AUTS2: variants seen among roughly 807,000 people sequenced by gnomAD.
AUTS2 encodes the protein autism susceptibility gene 2 protein.
A neutral mutation model predicts 112.4 loss-of-function variants in AUTS2; 17 were observed. The observed-to-expected ratio is 0.15, with a 90% CI of 0.10 to 0.23. The LOEUF is 0.23. Ranked by LOEUF, AUTS2 falls within the 10% of genes least tolerant of loss-of-function variation. The probability of loss-of-function intolerance (pLI) is 1.00; values close to 1 mark genes in which losing one functional copy is unlikely to be tolerated. For missense variants in AUTS2, 1,510 were observed against 1,701.6 expected, an observed-to-expected ratio of 0.89 and a Z score of 1.98; for synonymous variants, 751 against 702.7, an observed-to-expected ratio of 1.07 and a Z score of -1.09.
intron 2 of AUTS2, among the ~76,000 whole-genome samples, chr7:70,101,318 C>T (rs1804482150): frequency 6.6e-6 from 1 of 151,674 alleles, no homozygotes; most frequent in East Asian, 1.9e-4. Flanking sequence ...CCAAATTCTT[C>T]AGCTCTTTAC....
Position 70,766,212 on chromosome 7 carries a change from G to A in AUTS2, c.1567G>A (p.Glu523Lys). ...SLGPPPYLRT[E>K]FHQHQHQHQH... ...GGGCCCTCCGCCCTACCTGCGGACCGAGTTCCATCAGCACCAGCACCAGCA... is the reference window on the plus strand; with the variant it reads ...GGGCCCTCCGCCCTACCTGCGGACCAAGTTCCATCAGCACCAGCACCAGCA... The change falls in exon 9 of 19, where the codon GAG (glutamate) becomes AAG (lysine). Residue 523 changes from glutamate (E) to lysine (K), a missense_variant. Physicochemically the swap from Glu to Lys is moderately conservative, Grantham distance 56. Around this residue, in one of 3 missense-constraint regions of AUTS2, gnomAD observed 187 missense variants for 309.7 expected, o/e 0.60. Transcript: ENST00000342771. This position sits in a 1 kb window ranked among gnomAD's most constrained non-coding sequence, Gnocchi z 4.8. The A allele has an allele frequency of 6.2e-7, 1 of 1,614,070 alleles. No individual in the cohort carries two copies. Among genetic ancestry groups the A allele is most frequent in the Non-Finnish European group, 8.5e-7 (1 of 1,180,026 alleles).
chr7:70,682,864 C>T (rs1216202635), intron 5 of AUTS2, among the ~76,000 whole-genome samples: 1 of 152,258 alleles, frequency 6.6e-6, no homozygotes, highest in Non-Finnish European at 1.5e-5. Flanking sequence ...TGGCTGGGAA[C>T]TCAGCTAGCC....
intron 2 of AUTS2, among the ~76,000 whole-genome samples, chr7:70,106,271 A>G (rs896426945): frequency 6.6e-6 from 1 of 152,198 alleles, no homozygotes; most frequent in Non-Finnish European, 1.5e-5. Context: ...ACACAGGACA[A>G]TGTAGGGTGT....
intron 4 of AUTS2, among the ~76,000 whole-genome samples, chr7:70,275,763 C>T (rs1451780572): frequency 6.6e-6 from 1 of 152,046 alleles, no homozygotes; most frequent in South Asian, 2.1e-4. Flanking sequence ...GGGCTTTTTT[C>T]TTCTCTGGGC....
intron 2 of AUTS2, among the ~76,000 whole-genome samples, chr7:69,951,193 A>G (rs1475414154): frequency 1.3e-5 from 2 of 152,158 alleles, no homozygotes. Flanking sequence ...TAATTTGTCA[A>G]CAGAACTTCT....
At chr7:70,354,921 T>A (rs753618879) in intron 4 of AUTS2, among the ~76,000 whole-genome samples, 2 of 152,122 alleles carry the variant, frequency 1.3e-5, no homozygotes, top group Non-Finnish European at 2.9e-5. Flanking sequence ...AAATTTCCTG[T>A]ACTGCTTGCC....
intron 5 of AUTS2, among the ~76,000 whole-genome samples, chr7:70,500,164 G>T (rs1471696867): frequency 6.7e-6 from 1 of 148,804 alleles, no homozygotes; most frequent in African/African-American, 2.5e-5. Context: ...AAAGGTACTG[G>T]TGGTCTTCAA....
At chr7:70,603,298 C>T (rs1803570086) in intron 5 of AUTS2, among the ~76,000 whole-genome samples, 1 of 152,060 alleles carries the variant, frequency 6.6e-6, no homozygotes, top group African/African-American at 2.4e-5. Flanking sequence ...AGAGTTTCAC[C>T]ATAAAAATGT....
chr7:70,139,296 T>C (rs1806730800), intron 4 of AUTS2, among the ~76,000 whole-genome samples: 2 of 152,226 alleles, frequency 1.3e-5, no homozygotes, highest in African/African-American at 4.8e-5. Context: ...TTTGGTATTC[T>C]GTCTAACCAT....
At chr7:69,902,153 G>T (rs1794994396) in intron 2 of AUTS2, among the ~76,000 whole-genome samples, 1 of 152,052 alleles carries the variant, frequency 6.6e-6, no homozygotes, top group Admixed American at 6.6e-5. Flanking sequence ...ATAGTAGGAG[G>T]GAGGGGAGTG....
intron 5 of AUTS2, among the ~76,000 whole-genome samples, chr7:70,538,761 C>T (rs749086486): frequency 6.6e-6 from 1 of 152,208 alleles, no homozygotes; most frequent in Non-Finnish European, 1.5e-5. Context: ...TGACACCAGA[C>T]CTTTCCCATA....
chr7:70,028,395 C>T (rs1450649050), intron 2 of AUTS2, among the ~76,000 whole-genome samples: 6 of 152,144 alleles, frequency 3.9e-5, no homozygotes, highest in Admixed American at 6.5e-5. Context: ...GTGTCCTGGT[C>T]GATTCCCTTA....
intron 5 of AUTS2, among the ~76,000 whole-genome samples, chr7:70,534,774 T>A (rs1043344493): frequency 1.4e-4 from 21 of 152,164 alleles, no homozygotes; most frequent in African/African-American, 4.8e-4. Flanking sequence ...CTTTACATTT[T>A]GTTACCTGTG....
rs73435076 is a variant in AUTS2, at chr7:70,705,733, A to C, written c.742+7113A>C. ...GAGGCCTGATTGTATGAAGTGGCCC[A>C]GAAAGTGGAGATTCATTTTACCTCC... On this transcript the variant is annotated intron_variant, in intron 6 of 18. Transcript: ENST00000342771. 1.6e-4 allele frequency among the ~76,000 whole-genome samples: 25 copies of C among 152,304 alleles called. 1 individual carries two copies. The highest frequency in any genetic ancestry group is 3.4e-3 in the Middle Eastern group (1 of 294).
At chr7:70,163,932 C>G (rs137958340) in intron 4 of AUTS2, among the ~76,000 whole-genome samples, 1 of 152,120 alleles carries the variant, frequency 6.6e-6, no homozygotes, top group Non-Finnish European at 1.5e-5. Context: ...TCCTTCCCCC[C>G]TCCAAGAGCC....
intron 2 of AUTS2, among the ~76,000 whole-genome samples, chr7:69,935,643 C>T (rs1796380759): frequency 6.6e-6 from 1 of 151,948 alleles, no homozygotes; most frequent in South Asian, 2.1e-4. Context: ...CTAATACTCC[C>T]CAGGCATAGT....
intron 1 of AUTS2, among the ~76,000 whole-genome samples, chr7:69,828,930 T>C (rs1791375139): frequency 1.3e-5 from 2 of 152,180 alleles, no homozygotes; most frequent in South Asian, 2.1e-4. Flanking sequence ...TTTCTTCTTA[T>C]TGGAAAGTGG....
chr7:70,346,357 T>C (rs1216887240), intron 4 of AUTS2, among the ~76,000 whole-genome samples: 1 of 152,194 alleles, frequency 6.6e-6, no homozygotes, highest in Non-Finnish European at 1.5e-5. Context: ...CACACAGGGA[T>C]TGGCCATGAG....
chr7:69,796,424 G>A (rs1436013753), intron 1 of AUTS2, among the ~76,000 whole-genome samples: 2 of 152,088 alleles, frequency 1.3e-5, no homozygotes, highest in Non-Finnish European at 2.9e-5. Context: ...TTGGAAGGCT[G>A]AGGTGGGAGG....
Sources: gnomAD v4.1 joint callset for allele counts (sites outside exome capture counted in the v4.1 genomes callset) on GRCh38, gnomAD v4.1.1 for gene constraint, gnomAD v4.1.1 regional missense constraint, Gnocchi (gnomAD v3.1) non-coding constraint, MANE v1.5 for transcripts, NCBI Gene and HGNC (gene_info 2026-07-23, HGNC 2026-07-21) for gene names.